FSTL5: variants seen among roughly 807,000 people sequenced by gnomAD.
FSTL5 encodes the protein follistatin-related protein 5.
A neutral mutation model predicts 89.1 loss-of-function variants in FSTL5; 62 were observed. That is an observed-to-expected ratio of 0.70 (90% CI 0.57 to 0.86). The LOEUF (loss-of-function observed/expected upper bound fraction) is 0.86, where lower values mean the gene tolerates loss of function less well. Among genes scored for constraint, FSTL5 ranks in the 40% least tolerant of loss-of-function variants. The pLI is 0.00. For missense variants in FSTL5, 1,057 were observed against 1,001.6 expected (o/e 1.06, Z -0.75); for synonymous variants, 383 against 346.2 (o/e 1.11, Z -1.18).
At chr4:162,137,815 G>T (rs533746695) in intron 1 of FSTL5, among the ~76,000 whole-genome samples, 2 of 151,994 alleles carry the variant, frequency 1.3e-5, no homozygotes, top group African/African-American at 4.8e-5. Flanking sequence ...TATTTCTATC[G>T]AAAAGCAATA....
chr4:162,032,533 C>T (rs754711965), intron 3 of FSTL5: 1 of 152,100 alleles, frequency 6.6e-6, no homozygotes, highest in Non-Finnish European at 1.5e-5. Flanking sequence ...ATATATCTAG[C>T]AAAATTATTT....
At chr4:161,723,108 G>A (rs892953517) in intron 6 of FSTL5, among the ~76,000 whole-genome samples, 2 of 152,128 alleles carry the variant, frequency 1.3e-5, no homozygotes, top group African/African-American at 2.4e-5. Context: ...CACATTTAAG[G>A]AATTTTTTTG....
chr4:162,061,586 G>A (rs901367940), intron 2 of FSTL5, among the ~76,000 whole-genome samples: 1 of 152,086 alleles, frequency 6.6e-6, no homozygotes, highest in Non-Finnish European at 1.5e-5. Context: ...TTAGAAACAG[G>A]GCCAGCTACA....
At chr4:161,870,283 T>G (rs1032518396) in intron 4 of FSTL5, among the ~76,000 whole-genome samples, 3 of 152,048 alleles carry the variant, frequency 2.0e-5, no homozygotes, top group African/African-American at 4.8e-5. Flanking sequence ...TTCACAAGAG[T>G]AAGTTACTTA....
At chr4:161,426,671 A>C (rs1732177181) in intron 15 of FSTL5, among the ~76,000 whole-genome samples, 1 of 152,166 alleles carries the variant, frequency 6.6e-6, no homozygotes, top group South Asian at 2.1e-4. Context: ...GGCTCACTGC[A>C]ACCTCTGCCT....
intron 15 of FSTL5, among the ~76,000 whole-genome samples, chr4:161,402,271 G>A (rs1731207960): frequency 6.6e-6 from 1 of 152,080 alleles, no homozygotes; most frequent in Admixed American, 6.6e-5. Flanking sequence ...TATTTTTAGA[G>A]TTATTTCAAA....
intron 3 of FSTL5, among the ~76,000 whole-genome samples, chr4:161,968,806 T>C (rs572864074): frequency 7.2e-5 from 11 of 152,194 alleles, no homozygotes; most frequent in African/African-American, 2.6e-4. Context: ...GAGCCAAATA[T>C]GGTCACTTTA....
chr4:161,597,394 C>T (rs548284849), intron 7 of FSTL5, among the ~76,000 whole-genome samples: 203 of 149,110 alleles, frequency 1.4e-3, no homozygotes, highest in African/African-American at 4.9e-3. Context: ...AAACCAAACA[C>T]CGCATGTTCT....
chr4:161,532,181 C>T lies in FSTL5; in HGVS notation c.1312+5985G>A, dbSNP rs1194369781. Among the ~76,000 whole-genome samples the T allele has an allele frequency of 8.2e-5, 12 of 145,788 alleles. No individual in the cohort carries two copies. In the Admixed American group the frequency reaches 8.3e-4, roughly 10 times the overall value. On this transcript the variant is annotated intron_variant, in intron 10 of 15. Coordinates refer to ENST00000306100, the MANE Select transcript of FSTL5 (RefSeq NM_020116.5). ...GATCACGCCACTCCAGCCTGGGCAA[C>T]AGAGCAAGACTCCATCTCCAAAAAA...
In FSTL5 at chr4:161,657,429, G is replaced by A. The variant is rs117967622; in HGVS notation, c.728-935C>T. ...AGAAATACCACAAACGAAACACCAC[G>A]AATTCTAACTTAAATGTCGATGTAG... On this transcript the variant is annotated intron_variant, in intron 6 of 15. Transcript: ENST00000306100. Among the ~76,000 whole-genome samples, 935 of 152,256 alleles carry A rather than the reference G, an allele frequency of 6.1e-3. 10 individuals carry two copies. The highest frequency in any genetic ancestry group is 0.045 in the South Asian group (219 of 4,826).
At chr4:161,749,331 GT>G (rs1428190330) in intron 6 of FSTL5, among the ~76,000 whole-genome samples, 5 of 152,120 alleles carry the variant, frequency 3.3e-5, no homozygotes, top group African/African-American at 1.2e-4. Flanking sequence ...CATATATACC[GT>G]GAAATACTAT....
intron 6 of FSTL5, among the ~76,000 whole-genome samples, chr4:161,730,302 G>A (rs1739562463): frequency 1.3e-5 from 2 of 151,962 alleles, no homozygotes; most frequent in Non-Finnish European, 2.9e-5. Flanking sequence ...TTACAAATAT[G>A]AGTTGTTTTG....
At chr4:161,902,483 C>T (rs778309667) in intron 4 of FSTL5, among the ~76,000 whole-genome samples, 4 of 152,142 alleles carry the variant, frequency 2.6e-5, no homozygotes, top group Non-Finnish European at 4.4e-5. Flanking sequence ...CTACTTTTTA[C>T]AAATTCTTCA....
chr4:161,415,848 ATC>A (rs1206423877), intron 15 of FSTL5, among the ~76,000 whole-genome samples: 2 of 129,676 alleles, frequency 1.5e-5, no homozygotes, highest in Non-Finnish European at 3.3e-5. Flanking sequence ...ATATATATAT[ATC>A]ATTTCAAAGC....
At chr4:161,730,170 T>A (rs1360702361) in intron 6 of FSTL5, among the ~76,000 whole-genome samples, 3 of 152,166 alleles carry the variant, frequency 2.0e-5, no homozygotes, top group Non-Finnish European at 2.9e-5. Context: ...TCTCTGTGTG[T>A]ATTTAAGCTT....
intron 4 of FSTL5, among the ~76,000 whole-genome samples, chr4:161,858,913 C>A (rs916804739): frequency 2.2e-4 from 33 of 152,054 alleles, no homozygotes; most frequent in African/African-American, 8.0e-4. Context: ...TGGGAATAGT[C>A]CAATATTGCT....
chr4:161,984,619 C>T (rs1299171719), intron 3 of FSTL5, among the ~76,000 whole-genome samples: 2 of 152,040 alleles, frequency 1.3e-5, no homozygotes, highest in Non-Finnish European at 2.9e-5. Context: ...AACTCCTGGG[C>T]TCAAGCAGTC....
At chr4:161,481,489 TCA>T (rs1250284479) in intron 12 of FSTL5, among the ~76,000 whole-genome samples, 2 of 152,152 alleles carry the variant, frequency 1.3e-5, no homozygotes, top group Admixed American at 1.3e-4. Flanking sequence ...TCAAATTTTC[TCA>T]GTCTCAAGGT....
At chr4:161,855,854 T>C (rs141380442) in intron 4 of FSTL5, among the ~76,000 whole-genome samples, 495 of 152,194 alleles carry the variant, frequency 3.3e-3, no homozygotes, top group Middle Eastern at 6.8e-3. Flanking sequence ...TACAAAAGTG[T>C]GTACTATTTG....
Sources: allele counts gnomAD v4.1 joint callset (sites outside exome capture counted in the v4.1 genomes callset), GRCh38; gene constraint gnomAD v4.1.1; transcripts MANE v1.5; gene names NCBI Gene and HGNC (gene_info 2026-07-23, HGNC 2026-07-21).